The following RIT2 variants were observed in gnomAD, a reference collection of about 807,000 sequenced individuals.
RIT2 encodes the protein GTP-binding protein Rit2.
In RIT2, 24 loss-of-function variants were observed where a neutral mutation model predicts 23.7. The ratio of observed to expected loss-of-function variants is 1.01; its 90% CI spans 0.73 to 1.43. The LOEUF (loss-of-function observed/expected upper bound fraction) is 1.43, where lower values mean the gene tolerates loss of function less well. Ranked by LOEUF, RIT2 falls within the 40% of genes most tolerant of loss-of-function variation. RIT2 has a pLI of 0.00. For synonymous variants in RIT2, 107 were observed against 91.1 expected, an observed-to-expected ratio of 1.17 and a Z score of -0.99; for missense variants, 236 against 266.9, an observed-to-expected ratio of 0.88 and a Z score of 0.81.
chr18:42,776,201 G>A (rs1289646557), intron 4 of RIT2, among the ~76,000 whole-genome samples: 1 of 152,136 alleles, frequency 6.6e-6, no homozygotes, highest in Non-Finnish European at 1.5e-5. Context: ...CAAACAGTTG[G>A]AAAATAGAGG....
intron 4 of RIT2, among the ~76,000 whole-genome samples, chr18:42,765,790 G>C (rs889092581): frequency 9.2e-5 from 14 of 152,254 alleles, no homozygotes; most frequent in South Asian, 4.2e-4. Flanking sequence ...AACTTGAATT[G>C]TATCTCCCAG....
chr18:43,058,382 G>T (rs899961626), intron 1 of RIT2, among the ~76,000 whole-genome samples: 1 of 151,976 alleles, frequency 6.6e-6, no homozygotes, highest in South Asian at 2.1e-4. Flanking sequence ...AGATTCACCC[G>T]GGAGCTTGCA....
At chr18:42,935,150 T>C (rs931397011) in intron 3 of RIT2, among the ~76,000 whole-genome samples, 9 of 152,162 alleles carry the variant, frequency 5.9e-5, no homozygotes, top group African/African-American at 2.2e-4. Context: ...TATCAGTTAC[T>C]GCCTTTACCA....
At chr18:43,096,580 C>G (rs181870944) in intron 1 of RIT2, among the ~76,000 whole-genome samples, 10 of 151,946 alleles carry the variant, frequency 6.6e-5, no homozygotes, top group Non-Finnish European at 1.3e-4. Flanking sequence ...GAGAGATACT[C>G]TTGCTTTCAC....
chr18:43,080,340 A>G (rs114349936), intron 1 of RIT2, among the ~76,000 whole-genome samples: 4 of 152,242 alleles, frequency 2.6e-5, no homozygotes, highest in Non-Finnish European at 5.9e-5. Flanking sequence ...TTATCTGATT[A>G]GTGACAGATA....
chr18:42,927,354 T>C (rs570449292), intron 3 of RIT2, among the ~76,000 whole-genome samples: 10 of 141,322 alleles, frequency 7.1e-5, no homozygotes, highest in African/African-American at 2.5e-4. Context: ...CGTATATATG[T>C]TTCCATGTGG....
At chr18:42,842,455 T>G (rs977352036) in intron 4 of RIT2, among the ~76,000 whole-genome samples, 2 of 152,156 alleles carry the variant, frequency 1.3e-5, no homozygotes, top group African/African-American at 4.8e-5. Context: ...AATAAGTATA[T>G]TCAATGTATT....
At chr18:43,037,867 T>A (rs988832247) in intron 1 of RIT2, among the ~76,000 whole-genome samples, 7 of 152,142 alleles carry the variant, frequency 4.6e-5, no homozygotes, top group African/African-American at 1.7e-4. Flanking sequence ...TAAGGATTCT[T>A]TTTTCTTTAT....
intron 3 of RIT2, among the ~76,000 whole-genome samples, chr18:42,931,407 C>G (rs1245242731): frequency 6.6e-6 from 1 of 152,128 alleles, no homozygotes; most frequent in Non-Finnish European, 1.5e-5. Flanking sequence ...CTGAAATCCA[C>G]AACAATTATA....
At chr18:43,114,136 C>A (rs979853859) in intron 1 of RIT2, among the ~76,000 whole-genome samples, 2 of 151,934 alleles carry the variant, frequency 1.3e-5, no homozygotes, top group African/African-American at 2.4e-5. Flanking sequence ...AATTACAAAG[C>A]TTTTCTTTCA....
chr18:42,914,550 A>G (rs1168064270), intron 4 of RIT2, among the ~76,000 whole-genome samples: 1 of 152,106 alleles, frequency 6.6e-6, no homozygotes, highest in South Asian at 2.1e-4. Flanking sequence ...ATGTTAACTC[A>G]TTTCATTTAT....
intron 4 of RIT2, among the ~76,000 whole-genome samples, chr18:42,912,211 T>C (rs1908787871): frequency 6.6e-6 from 1 of 150,684 alleles, no homozygotes; most frequent in South Asian, 2.1e-4. Flanking sequence ...ACAGAAAAAG[T>C]ATATTAAATA....
intron 4 of RIT2, among the ~76,000 whole-genome samples, chr18:42,784,829 T>C (rs1598652637): frequency 6.6e-6 from 1 of 152,078 alleles, no homozygotes; most frequent in East Asian, 1.9e-4. Flanking sequence ...GAACATTGAA[T>C]GCACTTTGAA....
intron 4 of RIT2, among the ~76,000 whole-genome samples, chr18:42,818,730 G>A (rs1361472355): frequency 6.6e-6 from 1 of 152,130 alleles, no homozygotes; most frequent in South Asian, 2.1e-4. Flanking sequence ...ATATAGCTGG[G>A]TAAGTAGAAA....
intron 2 of RIT2, among the ~76,000 whole-genome samples, chr18:43,000,184 G>A (rs1911071776): frequency 6.6e-6 from 1 of 152,030 alleles, no homozygotes; most frequent in African/African-American, 2.4e-5. Context: ...CTGATAAATG[G>A]TATATTGTTT....
At chr18:42,894,507 A>C (rs964269713) in intron 4 of RIT2, among the ~76,000 whole-genome samples, 1 of 152,194 alleles carries the variant, frequency 6.6e-6, no homozygotes, top group African/African-American at 2.4e-5. Flanking sequence ...TACATTTATA[A>C]TACTCAAAAA....
At chr18:42,882,846 A>G (rs1907928779) in intron 4 of RIT2, among the ~76,000 whole-genome samples, 1 of 152,198 alleles carries the variant, frequency 6.6e-6, no homozygotes. Context: ...TTGTAGTTCT[A>G]GTAAACTATG....
At chr18:43,057,134 T>G (rs1912523139) in intron 1 of RIT2, among the ~76,000 whole-genome samples, 1 of 152,064 alleles carries the variant, frequency 6.6e-6, no homozygotes, top group Non-Finnish European at 1.5e-5. Flanking sequence ...ATATATTTCT[T>G]CAGGCAGGAG....
chr18:43,079,782 G>A (rs747291710), intron 1 of RIT2, among the ~76,000 whole-genome samples: 3 of 152,176 alleles, frequency 2.0e-5, no homozygotes, highest in Non-Finnish European at 4.4e-5. Flanking sequence ...CAGACTCACT[G>A]TCGGTCAGTG....
Sources: gnomAD v4.1 joint callset for allele counts (sites outside exome capture counted in the v4.1 genomes callset) on GRCh38, gnomAD v4.1.1 for gene constraint, MANE v1.5 for transcripts, NCBI Gene and HGNC (gene_info 2026-07-23, HGNC 2026-07-21) for gene names.